Variants in CLINT1 observed in about 807,000 individuals in gnomAD.
CLINT1 encodes clathrin interactor 1.
In CLINT1, 15 loss-of-function variants were observed where a neutral mutation model predicts 70.4. The observed-to-expected ratio is 0.21, with a 90% CI of 0.14 to 0.33. The LOEUF (loss-of-function observed/expected upper bound fraction) is 0.33. Among genes scored for constraint, CLINT1 ranks in the 10% least tolerant of loss-of-function variants. The pLI, the probability that CLINT1 is intolerant of heterozygous loss-of-function variation, is 1.00. For missense variants in CLINT1, 615 were observed against 778.1 expected (o/e 0.79, Z 2.49); for synonymous variants, 227 against 254.7 (o/e 0.89, Z 1.04).
chr5:157,843,234 A>G (rs983132862), intron 1 of CLINT1, among the ~76,000 whole-genome samples: 4 of 152,214 alleles, frequency 2.6e-5, no homozygotes, highest in African/African-American at 9.6e-5. Context: ...GTTCATCTAA[A>G]TTTTAAACTT....
Position 157,814,269 on chromosome 5 carries a change from T to G in CLINT1, c.268A>C (p.Ile90Leu), listed in dbSNP as rs370560334. 1.2e-6 allele frequency: 2 copies of G among 1,610,284 alleles called. No individual in the cohort carries two copies. The highest frequency in any genetic ancestry group is 3.4e-5 in the Admixed American group (2 of 59,504). The change falls in exon 4 of 12, where the codon ATA becomes CTA. Residue 90 changes from isoleucine (I) to leucine (L), a missense_variant. Physicochemically the swap from Ile to Leu is conservative, Grantham distance 5. Around this residue, in one of 2 missense-constraint regions of CLINT1, gnomAD observed 241 missense variants for 368.6 expected, o/e 0.65. Transcript: ENST00000411809. The stretch of plus-strand genomic sequence containing the variant: ...ACAACACGCTCTGATCCATTCCTTA[T>G]GAGGTAAGCTAGGAGCAGCAACGAC... Reference protein sequence around the residue: ...YKSLLLLAYLIRNGSERVVTS... With the variant: ...YKSLLLLAYLLRNGSERVVTS...
intron 1 of CLINT1, among the ~76,000 whole-genome samples, chr5:157,833,919 G>T (rs1200505395): frequency 6.6e-6 from 1 of 152,128 alleles, no homozygotes; most frequent in Non-Finnish European, 1.5e-5. Flanking sequence ...TTCAGCCTGG[G>T]TGACAGAGTG....
rs1363997198 is a variant in CLINT1 at position 157,817,789 on chromosome 5, G to T, written c.42-242C>A. Among the ~76,000 whole-genome samples, 12 of 152,176 alleles carry T rather than the reference G, an allele frequency of 7.9e-5. No homozygotes were observed. In the East Asian group the frequency reaches 2.3e-3, roughly 29 times the overall value. On this transcript the variant is annotated intron_variant, in intron 1 of 11. Coordinates refer to ENST00000411809, the MANE Select transcript of CLINT1 (RefSeq NM_014666.4). Reference sequence around the variant, plus strand: ...AATACAGATGAGAGATTACATTAGAGCTGGCATTAAGTCCAGTAAAAAATG... The same window carrying T: ...AATACAGATGAGAGATTACATTAGATCTGGCATTAAGTCCAGTAAAAAATG...
chr5:157,812,871 C>A (rs776421900), intron 5 of CLINT1, among the ~76,000 whole-genome samples, 192 bp downstream of exon 5: 14 of 152,022 alleles, frequency 9.2e-5, no homozygotes, highest in Non-Finnish European at 1.6e-4. Flanking sequence ...ATCCTATTGC[C>A]GAACCCACAA....
intron 1 of CLINT1, among the ~76,000 whole-genome samples, chr5:157,832,856 C>T (rs927777762): frequency 6.6e-6 from 1 of 152,144 alleles, no homozygotes; most frequent in East Asian, 1.9e-4. Context: ...CTTCTCCCTA[C>T]CCACACCAAT....
intron 6 of CLINT1, among the ~76,000 whole-genome samples, chr5:157,806,756 C>G (rs1437999695): frequency 6.6e-6 from 1 of 152,124 alleles, no homozygotes; most frequent in Non-Finnish European, 1.5e-5. Flanking sequence ...AAAATGCTTT[C>G]TAGAAAACAA....
In CLINT1 at chr5:157,787,757, C is replaced by T. The variant is rs1007994432; in HGVS notation, c.1767G>A (p.Gly589=). 6 of 1,613,910 alleles carry T rather than the reference C, an allele frequency of 3.7e-6. No individual in the cohort carries two copies. The highest frequency in any genetic ancestry group is 1.1e-5 in the South Asian group (1 of 91,096). ...TTCCCATTGTGCCTGTCAAGCCCAT[C>T]CCAGCAGCGGACATCCCTATGTTCA... ...MNMNIGMSAA[G]MGLTGTMGMG... Residue 589 remains glycine, a synonymous_variant, in exon 12 of 12, where the codon GGG becomes GGA. Coordinates refer to ENST00000411809, the MANE Select transcript of CLINT1 (RefSeq NM_014666.4).
chr5:157,853,116 G>C (rs925674553), intron 1 of CLINT1, among the ~76,000 whole-genome samples: 1 of 152,188 alleles, frequency 6.6e-6, no homozygotes, highest in Non-Finnish European at 1.5e-5. Flanking sequence ...GGGAGGCTAA[G>C]GCAGGCAGAT....
chr5:157,858,490 C>G (rs1289659254), intron 1 of CLINT1, among the ~76,000 whole-genome samples: 1 of 152,186 alleles, frequency 6.6e-6, no homozygotes, highest in East Asian at 1.9e-4. Flanking sequence ...AAGGTCTCTC[C>G]GTACTACACC....
chr5:157,812,996 C>T, intron 5 of CLINT1, 67 bp downstream of exon 5: 3 of 1,493,912 alleles, frequency 2.0e-6, no homozygotes, highest in Non-Finnish European at 2.7e-6. Flanking sequence ...TGGTATTTCA[C>T]TGATTCTTAA....
At position 157,794,883 on chromosome 5, in the gene CLINT1, CAAATTGA is replaced by C; in HGVS notation, c.1087+8_1087+14del. The C allele has an allele frequency of 1.3e-6, 2 of 1,552,308 alleles. No homozygotes were observed. The highest frequency in any genetic ancestry group is 1.7e-6 in the Non-Finnish European group (2 of 1,146,202). On this transcript the variant is annotated splice_region_variant and intron_variant, in intron 9 of 11. Coordinates refer to ENST00000411809, the MANE Select transcript of CLINT1 (RefSeq NM_014666.4). ...TTACCACCCTAGACTTCTGGCCAATCAAATTGAATCATACCTTGGGAAGGGAAACTGC... is the reference window on the plus strand; with the variant it reads ...TTACCACCCTAGACTTCTGGCCAATCATCATACCTTGGGAAGGGAAACTGC...
At position 157,817,517 on chromosome 5, in the gene CLINT1, G is replaced by A. The variant is rs762080787; in HGVS notation, c.72C>T (p.Ile24=). The A allele has an allele frequency of 8.7e-6, 14 of 1,603,480 alleles. No individual in the cohort carries two copies. In the East Asian group the frequency reaches 8.9e-5, roughly 10 times the overall value. Residue 24 remains isoleucine (I), a synonymous_variant, in exon 2 of 12, where the codon ATC becomes ATT. Coordinates refer to ENST00000411809, the MANE Select transcript of CLINT1 (RefSeq NM_014666.4). ...TCGTTGCCTCTCGAACCTTAGACTC[G>A]ATCTCTGAATAATTCATAACAACAT... The part of the protein sequence containing the change: ...ATNVVMNYSE[I]ESKVREATND...
Position 157,807,722 on chromosome 5 carries a change from A to C in CLINT1, c.696-1610T>G, listed in dbSNP as rs555162380. Among the ~76,000 whole-genome samples the C allele has an allele frequency of 2.0e-5, 3 of 152,262 alleles. No individual in the cohort carries two copies. In the East Asian group the frequency reaches 5.8e-4, roughly 29 times the overall value. On this transcript the variant is annotated intron_variant, in intron 6 of 11. Coordinates refer to ENST00000411809, the MANE Select transcript of CLINT1 (RefSeq NM_014666.4). ...TCTAGGAGATCCTGTCTTAGAGGCA[A>C]CATAAAAAATAAAAATCATGGGAGA...
intron 1 of CLINT1, among the ~76,000 whole-genome samples, chr5:157,852,696 G>A (rs139283542): frequency 6.6e-6 from 1 of 152,308 alleles, no homozygotes; most frequent in African/African-American, 2.4e-5. Context: ...ACCGTTTCTA[G>A]TAGCAGACCT....
chr5:157,819,984 T>A (rs556018522), intron 1 of CLINT1, among the ~76,000 whole-genome samples: 1 of 152,252 alleles, frequency 6.6e-6, no homozygotes, highest in South Asian at 2.1e-4. Context: ...GAGGGAGAGG[T>A]GGCAGAGAGC....
At chr5:157,793,540 G>A (rs930909568) in intron 9 of CLINT1, among the ~76,000 whole-genome samples, 5 of 152,128 alleles carry the variant, frequency 3.3e-5, no homozygotes, top group Non-Finnish European at 5.9e-5. Flanking sequence ...ATGAAGAGAT[G>A]TATCACTTAG....
chr5:157,789,786 A>C, intron 10 of CLINT1: 1 of 536,170 alleles, frequency 1.9e-6, no homozygotes, highest in Non-Finnish European at 3.3e-6. Flanking sequence ...TACACTAACA[A>C]TTATTCTCCC....
intron 8 of CLINT1, 135 bp downstream of exon 8, chr5:157,803,515 T>C (rs1213286974): frequency 1.9e-6 from 1 of 520,710 alleles, no homozygotes; most frequent in Non-Finnish European, 3.2e-6. Flanking sequence ...TTCCAAATAA[T>C]GCTCAAGACT....
intron 1 of CLINT1, among the ~76,000 whole-genome samples, chr5:157,842,418 AC>A (rs1753217940): frequency 6.6e-6 from 1 of 152,180 alleles, no homozygotes; most frequent in African/African-American, 2.4e-5. Flanking sequence ...CCGCCACTGC[AC>A]TCTAGCCAGG....
Sources: allele counts gnomAD v4.1 joint callset (sites outside exome capture counted in the v4.1 genomes callset), GRCh38; gene constraint gnomAD v4.1.1; regional missense constraint gnomAD v4.1.1; transcripts MANE v1.5; gene names NCBI Gene and HGNC (gene_info 2026-07-23, HGNC 2026-07-21).